TMA16: variants seen among roughly 807,000 people sequenced by gnomAD.
TMA16 encodes the protein translation machinery-associated protein 16.
TMA16 carries 26 observed loss-of-function variants against 27.1 expected under a neutral mutation model. That is an observed-to-expected ratio of 0.96 (90% confidence interval 0.70 to 1.33). TMA16 has a LOEUF of 1.33. TMA16 is among the 40% of genes most tolerant of loss of function. TMA16 has a pLI of 0.00. For missense variants in TMA16, 233 were observed against 241.4 expected (o/e 0.97, Z 0.23); for synonymous variants, 71 against 81.9 (o/e 0.87, Z 0.72).
At position 163,494,741 on chromosome 4, in the gene TMA16, G is replaced by A. The variant is rs533130321; in HGVS notation, c.-61G>A. On this transcript the variant is annotated 5_prime_UTR_variant, in exon 1 of 7. Transcript: ENST00000358572. Reference sequence around the variant, plus strand: ...TGCTCTTGTGAGCTGCTGCTCCTGCGGTTGGTGAGATTACCTGGGTCTAGA... The same window carrying A: ...TGCTCTTGTGAGCTGCTGCTCCTGCAGTTGGTGAGATTACCTGGGTCTAGA... 13 of 1,612,426 alleles carry A rather than the reference G, an allele frequency of 8.1e-6. No individual in the cohort carries two copies. The East Asian group carries it at 8.9e-5, about 11-fold the overall frequency.
chr4:163,519,245 T>A, intron 6 of TMA16, 89 bp from the exon 7 acceptor site: 1 of 1,242,440 alleles, frequency 8.0e-7, no homozygotes, highest in Non-Finnish European at 1.1e-6. Flanking sequence ...TGTAGGATCC[T>A]CAGAGTTTCG....
rs974652441 is a variant in TMA16, at chr4:163,519,510, C to T, written c.608C>T (p.Ala203Val). ...TCAGATGAGGAAATGACTGCAGTGG[C>T]CTAATTGTCTTCACTTGAATTGAAA... is the stretch of plus-strand genomic sequence containing the variant. Reference protein sequence around the residue: ...SDSDEEMTAVA With the variant: ...SDSDEEMTAVV The change falls in exon 7 of 7, where the codon GCC becomes GTC. Residue 203 changes from alanine (A) to valine (V), a missense_variant. By Grantham distance (64) the Ala-to-Val change is moderately conservative (BLOSUM62 0). Coordinates refer to ENST00000358572, the MANE Select transcript of TMA16 (RefSeq NM_018352.3). 1.3e-6 allele frequency: 2 copies of T among 1,571,130 alleles called. No homozygotes were observed. The highest frequency in any genetic ancestry group is 4.7e-5 in the East Asian group (2 of 42,900).
At chr4:163,508,268 CTGTT>C (rs1260434515) in intron 2 of TMA16, among the ~76,000 whole-genome samples, 2 of 152,072 alleles carry the variant, frequency 1.3e-5, no homozygotes, top group African/African-American at 4.8e-5. Context: ...CTTATTAAAA[CTGTT>C]TGTTCCAACC....
intron 2 of TMA16, 86 bp from the exon 3 acceptor site, chr4:163,512,736 G>T: frequency 1.1e-6 from 1 of 916,584 alleles, no homozygotes; most frequent in Admixed American, 2.3e-5. Context: ...AGTTCTTTAG[G>T]CAGTTTTTCT....
intron 1 of TMA16, 71 bp from the exon 2 acceptor site, chr4:163,506,962 A>C: frequency 2.5e-6 from 3 of 1,218,368 alleles, no homozygotes; most frequent in South Asian, 1.5e-5. Context: ...ATTTATTTGT[A>C]AAGAATATTT....
At chr4:163,512,801 A>ATAT in intron 2 of TMA16, 21 bp from the exon 3 acceptor site, 1 of 1,590,278 alleles carries the variant, frequency 6.3e-7, no homozygotes, top group Non-Finnish European at 8.6e-7. Flanking sequence ...TCTAACACAT[A>ATAT]TATTTACCTT....
intron 1 of TMA16, 65 bp downstream of exon 1, chr4:163,494,869 C>A: frequency 6.2e-7 from 1 of 1,603,948 alleles, no homozygotes; most frequent in Non-Finnish European, 8.5e-7. Context: ...GTTGAGCAGG[C>A]AGAGAGGGAG....
chr4:163,500,798 G>A (rs1737640263), intron 1 of TMA16, among the ~76,000 whole-genome samples: 1 of 152,178 alleles, frequency 6.6e-6, no homozygotes, highest in African/African-American at 2.4e-5. Context: ...AACTGATTTA[G>A]CTACAATCTT....
chr4:163,515,499 A>G (rs755696638), intron 5 of TMA16, 38 bp downstream of exon 5: 20 of 1,551,122 alleles, frequency 1.3e-5, no homozygotes, highest in Non-Finnish European at 1.7e-5. Flanking sequence ...TTTATATGAC[A>G]TAGCAGTATC....
intron 1 of TMA16, among the ~76,000 whole-genome samples, chr4:163,495,681 T>G (rs1244185073): frequency 6.6e-6 from 1 of 152,214 alleles, no homozygotes; most frequent in African/African-American, 2.4e-5. Context: ...TATAATCTGG[T>G]CAGAAGTTAC....
At chr4:163,512,794 A>G (rs760126223) in intron 2 of TMA16, 28 bp from the exon 3 acceptor site, 4 of 1,562,768 alleles carry the variant, frequency 2.6e-6, no homozygotes, top group Non-Finnish European at 3.5e-6. Flanking sequence ...GAAATTTTCT[A>G]ACACATATAT....
At chr4:163,502,692 C>T (rs919096641) in intron 1 of TMA16, among the ~76,000 whole-genome samples, 3 of 152,140 alleles carry the variant, frequency 2.0e-5, no homozygotes, top group South Asian at 4.1e-4. Context: ...TTCTTGGAAG[C>T]GCTAATTAAT....
chr4:163,520,010 T>C lies in TMA16; in HGVS notation c.*496T>C, dbSNP rs1241309646. 5 of 610,878 alleles carry C rather than the reference T, an allele frequency of 8.2e-6. No individual in the cohort carries two copies. Among genetic ancestry groups the C allele is most frequent in the Non-Finnish European group, 1.2e-5 (4 of 333,422 alleles). 37.8% of individuals were successfully genotyped at this position (610,878 alleles called of 1,614,324 possible). ...AAGGGAAAATGTGATAAGAAGTTTG[T>C]ATACATTTCTGGATTATAGATTATT... On this transcript the variant is annotated 3_prime_UTR_variant, in exon 7 of 7. Transcript: ENST00000358572.
At chr4:163,499,497 A>G (rs1341813547) in intron 1 of TMA16, among the ~76,000 whole-genome samples, 3 of 152,126 alleles carry the variant, frequency 2.0e-5, no homozygotes, top group East Asian at 1.9e-4. Context: ...GATATACCAA[A>G]TTTTAAAAAG....
In TMA16 at chr4:163,520,127, A is replaced by G; in HGVS notation, c.*613A>G. ...TCCCACAATTAATTTATCTTTTGAC[A>G]AAGGGGATAAAGAGTTTCAGTTTAG... is the stretch of plus-strand genomic sequence containing the variant. On this transcript the variant is annotated 3_prime_UTR_variant, in exon 7 of 7. Coordinates refer to ENST00000358572, the MANE Select transcript of TMA16 (RefSeq NM_018352.3). The G allele has an allele frequency of 2.2e-6, 1 of 454,846 alleles. No individual in the cohort carries two copies. Among genetic ancestry groups the G allele is most frequent in the Non-Finnish European group, 3.9e-6 (1 of 258,020 alleles). The allele number at this position is 454,846 out of a possible 1,614,324, so 28.2% of individuals were successfully genotyped here.
chr4:163,508,575 C>T (rs1022106288), intron 2 of TMA16, among the ~76,000 whole-genome samples: 1 of 152,094 alleles, frequency 6.6e-6, no homozygotes, highest in African/African-American at 2.4e-5. Flanking sequence ...ACTGGTAAAA[C>T]AAACCCACAC....
chr4:163,495,983 G>C (rs1425622412), intron 1 of TMA16, among the ~76,000 whole-genome samples: 2 of 152,200 alleles, frequency 1.3e-5, no homozygotes, highest in Non-Finnish European at 2.9e-5. Flanking sequence ...TTGAGTGATT[G>C]GGGAGATAGA....
chr4:163,514,733 G>A (rs953675327), intron 4 of TMA16, among the ~76,000 whole-genome samples: 5 of 152,120 alleles, frequency 3.3e-5, no homozygotes, highest in Admixed American at 1.3e-4. Context: ...CAGACTGAGA[G>A]GTTCATGACT....
At chr4:163,512,702 G>T (rs1472555733) in intron 2 of TMA16, 120 bp from the exon 3 acceptor site, 7 of 606,422 alleles carry the variant, frequency 1.2e-5, no homozygotes, top group Non-Finnish European at 2.0e-5. Flanking sequence ...TCTCAAATTT[G>T]TAAAAGAATG....
Sources: gnomAD v4.1 joint callset for allele counts (sites outside exome capture counted in the v4.1 genomes callset) on GRCh38, gnomAD v4.1.1 for gene constraint, MANE v1.5 for transcripts, NCBI Gene and HGNC (gene_info 2026-07-23, HGNC 2026-07-21) for gene names.